Variants in EIF2AK3 observed in about 807,000 individuals in gnomAD.
The protein encoded by EIF2AK3 is eukaryotic translation initiation factor 2-alpha kinase 3.
Under a neutral mutation model 113.5 loss-of-function variants are expected in EIF2AK3, and 50 were observed. That is an observed-to-expected ratio of 0.44 (90% CI 0.35 to 0.56). The LOEUF (loss-of-function observed/expected upper bound fraction) is 0.56. Ranked by LOEUF, EIF2AK3 falls within the 20% of genes least tolerant of loss-of-function variation. The pLI, the probability that EIF2AK3 is intolerant of heterozygous loss-of-function variation, is 0.00. For missense variants in EIF2AK3, 1,185 were observed against 1,378.0 expected, an observed-to-expected ratio of 0.86 and a Z score of 2.22; for synonymous variants, 448 against 495.4, an observed-to-expected ratio of 0.90 and a Z score of 1.27.
intron 2 of EIF2AK3, among the ~76,000 whole-genome samples, chr2:88,601,369 C>A (rs1259416012): frequency 6.6e-6 from 1 of 152,210 alleles, no homozygotes; most frequent in Non-Finnish European, 1.5e-5. Context: ...TGACAAGAAG[C>A]CTTCGTATCT....
chr2:88,575,639 A>T (rs948036209), intron 12 of EIF2AK3, 193 bp from the exon 13 acceptor site: 3 of 671,900 alleles, frequency 4.5e-6, no homozygotes, highest in Non-Finnish European at 7.6e-6. Flanking sequence ...CCTTCTAAAA[A>T]ACTTAATTTT....
At chr2:88,590,771 C>A (rs746406718) in intron 5 of EIF2AK3, 47 bp downstream of exon 5, 1 of 1,604,286 alleles carries the variant, frequency 6.2e-7, no homozygotes, top group South Asian at 1.1e-5. Flanking sequence ...TTTGGTCAGA[C>A]TGGGAGAGGA....
At chr2:88,579,042 T>G (rs947584186) in intron 11 of EIF2AK3, among the ~76,000 whole-genome samples, 1 of 151,982 alleles carries the variant, frequency 6.6e-6, no homozygotes, top group Non-Finnish European at 1.5e-5. Flanking sequence ...ATAGAGGATA[T>G]GATGAAGAAA....
At position 88,558,987 on chromosome 2, in the gene EIF2AK3, GAAA is replaced by G. The variant is rs748961764; in HGVS notation, c.3088-11_3088-9del. ...TCTTACATCAGTTAAGGTCTAAAAA[GAAA>G]AAAAGTATCACTTATTAAGTTTATT... On this transcript the variant is annotated splice_polypyrimidine_tract_variant and intron_variant, in intron 15 of 16. Transcript: ENST00000303236. 5.2e-6 allele frequency: 8 copies of G among 1,547,598 alleles called. No individual in the cohort carries two copies. Among genetic ancestry groups the G allele is most frequent in the Admixed American group, 3.4e-5 (2 of 58,204 alleles).
chr2:88,590,322 C>T (rs1273264102), intron 6 of EIF2AK3, 121 bp downstream of exon 6: 3 of 984,700 alleles, frequency 3.0e-6, no homozygotes, highest in East Asian at 2.4e-5. Context: ...GGGCAACGTA[C>T]ATCAGAGATG....
At position 88,559,013 on chromosome 2, in the gene EIF2AK3, A is replaced by T. The variant is rs574983475; in HGVS notation, c.3088-34T>A. ...AAAAAAAGTATCACTTATTAAGTTT[A>T]TTTTGACATACAACATGAAAATATT... On this transcript the variant is annotated intron_variant, in intron 15 of 16. Transcript: ENST00000303236. 4.4e-5 allele frequency: 62 copies of T among 1,394,474 alleles called. No homozygotes were observed. The South Asian group carries it at 5.9e-4, about 13-fold the overall frequency. 86.4% of individuals were successfully genotyped at this position (1,394,474 alleles called of 1,614,324 possible).
At chr2:88,603,194 A>T (rs573484795) in intron 2 of EIF2AK3, among the ~76,000 whole-genome samples, 1 of 152,288 alleles carries the variant, frequency 6.6e-6, no homozygotes, top group African/African-American at 2.4e-5. Flanking sequence ...CCCTGACTCT[A>T]CTACTCATTT....
At chr2:88,625,333 A>G (rs930483336) in intron 1 of EIF2AK3, among the ~76,000 whole-genome samples, 1 of 92,130 alleles carries the variant, frequency 1.1e-5, no homozygotes, top group African/African-American at 2.7e-5. Flanking sequence ...ACACAGACAT[A>G]CACAGAGACA....
chr2:88,620,485 T>C (rs2103980558), intron 1 of EIF2AK3, among the ~76,000 whole-genome samples: 1 of 152,396 alleles, frequency 6.6e-6, no homozygotes, highest in South Asian at 2.1e-4. Context: ...TTTTATATAA[T>C]TCTAGTTCAA....
chr2:88,605,861 A>T (rs942205685), intron 2 of EIF2AK3, among the ~76,000 whole-genome samples: 7 of 152,180 alleles, frequency 4.6e-5, no homozygotes, highest in African/African-American at 1.7e-4. Flanking sequence ...AGACTGTTTG[A>T]TAAAAGTAAA....
At chr2:88,566,082 A>T (rs767446477) in intron 14 of EIF2AK3, among the ~76,000 whole-genome samples, 2 of 152,152 alleles carry the variant, frequency 1.3e-5, no homozygotes, top group African/African-American at 4.8e-5. Flanking sequence ...TCTTTATTTT[A>T]AACTATTAGA....
intron 15 of EIF2AK3, among the ~76,000 whole-genome samples, chr2:88,559,837 CTT>C (rs1307997187): frequency 1.3e-5 from 2 of 152,118 alleles, no homozygotes; most frequent in Non-Finnish European, 2.9e-5. Flanking sequence ...AAATACCACA[CTT>C]TGTTTTTCCA....
At chr2:88,589,358 A>G (rs1021841644) in intron 6 of EIF2AK3, among the ~76,000 whole-genome samples, 4 of 152,184 alleles carry the variant, frequency 2.6e-5, no homozygotes, top group Non-Finnish European at 5.9e-5. Flanking sequence ...TGGATGGCAC[A>G]TTGTCAGAGC....
chr2:88,611,813 C>T (rs1324175030), intron 2 of EIF2AK3, among the ~76,000 whole-genome samples: 3 of 151,970 alleles, frequency 2.0e-5, no homozygotes, highest in East Asian at 1.9e-4. Flanking sequence ...TGTATTTAGA[C>T]GGGGTTTTAC....
At chr2:88,604,732 C>A (rs1289520466) in intron 2 of EIF2AK3, among the ~76,000 whole-genome samples, 2 of 152,164 alleles carry the variant, frequency 1.3e-5, no homozygotes, top group African/African-American at 2.4e-5. Flanking sequence ...GTGACTATCC[C>A]ACTAGGGTTG....
intron 2 of EIF2AK3, among the ~76,000 whole-genome samples, chr2:88,598,622 G>C (rs540036525): frequency 3.4e-5 from 5 of 145,622 alleles, no homozygotes; most frequent in Non-Finnish European, 7.6e-5. Flanking sequence ...AAAGGGCTGT[G>C]AAAAAAAAAA....
chr2:88,626,254 C>T (rs764955182), intron 1 of EIF2AK3, among the ~76,000 whole-genome samples: 1 of 152,114 alleles, frequency 6.6e-6, no homozygotes, highest in Non-Finnish European at 1.5e-5. Flanking sequence ...TACAGTAAAC[C>T]CCTTATTCAA....
rs568343479 is a variant in EIF2AK3, at chr2:88,576,537, G to A, written c.2036+17C>T. On this transcript the variant is annotated intron_variant, in intron 12 of 16. Coordinates refer to ENST00000303236, the MANE Select transcript of EIF2AK3 (RefSeq NM_004836.7). ...GCAAAAAACTAGCTTAAGTGTATGT[G>A]TAACAAAGTTAGTTACCTTTCATCT... 1 of 1,613,772 alleles carries A rather than the reference G, an allele frequency of 6.2e-7. No individual in the cohort carries two copies. Among genetic ancestry groups the A allele is most frequent in the Admixed American group, 1.7e-5 (1 of 60,000 alleles).
chr2:88,603,218 G>A (rs903544345), intron 2 of EIF2AK3, among the ~76,000 whole-genome samples: 5 of 152,112 alleles, frequency 3.3e-5, no homozygotes, highest in Non-Finnish European at 7.3e-5. Flanking sequence ...ATGTGACCTC[G>A]GATAAAAACG....
Sources: gnomAD v4.1 joint callset for allele counts (sites outside exome capture counted in the v4.1 genomes callset) on GRCh38, gnomAD v4.1.1 for gene constraint, MANE v1.5 for transcripts, NCBI Gene and HGNC (gene_info 2026-07-23, HGNC 2026-07-21) for gene names.